POLQ: variants seen among roughly 807,000 people sequenced by gnomAD.
POLQ encodes the protein DNA polymerase theta.
POLQ carries 233 observed loss-of-function variants against 259.2 expected under a neutral mutation model. The observed-to-expected ratio is 0.90, with a 90% CI of 0.81 to 1.00. The LOEUF is 1.00. POLQ is among the 50% of genes least tolerant of loss of function. The pLI, the probability that POLQ is intolerant of heterozygous loss-of-function variation, is 0.00. For missense variants in POLQ, 2,871 were observed against 3,051.6 expected, an observed-to-expected ratio of 0.94 and a Z score of 1.39; for synonymous variants, 1,025 against 1,048.8, an observed-to-expected ratio of 0.98 and a Z score of 0.44.
intron 6 of POLQ, among the ~76,000 whole-genome samples, chr3:121,531,101 C>T (rs1298999382): frequency 6.6e-6 from 1 of 152,106 alleles, no homozygotes; most frequent in East Asian, 1.9e-4. Flanking sequence ...GCAAAAGAAT[C>T]ACTTGAACCC....
In POLQ at chr3:121,489,201, T is replaced by C; in HGVS notation, c.3730A>G (p.Thr1244Ala). ...AAATGACTTGGTTTATTTTCCTCTG[T>C]ATTAAGCTTTATCCTTTCACAATTG... The part of the protein sequence containing the change: ...TINCERIKLN[T>A]EENKPSHFQA... Residue 1244 changes from threonine (T) to alanine (A), a missense_variant, in exon 16 of 30, where the codon ACA becomes GCA. Physicochemically the swap from Thr to Ala is moderately conservative, Grantham distance 58. This residue lies in a region of POLQ where 2,080 missense variants were observed against 2,126.0 expected (regional missense o/e 0.98). Transcript: ENST00000264233. 1 of 1,612,944 alleles carries C rather than the reference T, an allele frequency of 6.2e-7. No individual in the cohort carries two copies. Among genetic ancestry groups the C allele is most frequent in the Non-Finnish European group, 8.5e-7 (1 of 1,179,622 alleles).
intron 25 of POLQ, among the ~76,000 whole-genome samples, chr3:121,450,278 G>C (rs2047663697): frequency 6.6e-6 from 1 of 152,014 alleles, no homozygotes; most frequent in Admixed American, 6.6e-5. Flanking sequence ...ATGATTATCA[G>C]AATTCCAAAA....
At chr3:121,497,761 TA>T (rs1046828745) in intron 13 of POLQ, among the ~76,000 whole-genome samples, 4 of 152,298 alleles carry the variant, frequency 2.6e-5, no homozygotes, top group Admixed American at 2.6e-4. Flanking sequence ...TCAAAGAAGC[TA>T]ACAGCCTGTA....
chr3:121,502,502 C>T (rs1298403012), intron 12 of POLQ, among the ~76,000 whole-genome samples: 3 of 152,126 alleles, frequency 2.0e-5, no homozygotes, highest in African/African-American at 7.2e-5. Context: ...CTACAACCTG[C>T]CAATATGCAT....
chr3:121,467,509 G>A lies in POLQ; in HGVS notation c.6967+10C>T. On this transcript the variant is annotated intron_variant, in intron 24 of 29. Transcript: ENST00000264233. ...GCAATGAGAAGCTTCAAAGCTATCA[G>A]CCACCTTACCTGGGAAAGGCACAAA... 1 of 1,612,668 alleles carries A rather than the reference G, an allele frequency of 6.2e-7. No individual in the cohort carries two copies. Among genetic ancestry groups the A allele is most frequent in the Non-Finnish European group, 8.5e-7 (1 of 1,179,262 alleles).
chr3:121,464,638 C>T (rs2047821023), intron 24 of POLQ, among the ~76,000 whole-genome samples: 1 of 152,068 alleles, frequency 6.6e-6, no homozygotes. Flanking sequence ...TTTCTGAGCA[C>T]TGACATAATG....
chr3:121,516,200 T>G (rs1560104695), intron 9 of POLQ, among the ~76,000 whole-genome samples: 1 of 152,100 alleles, frequency 6.6e-6, no homozygotes, highest in South Asian at 2.1e-4. Context: ...AATTCCATCA[T>G]TTTGCATTGT....
rs768037876 is a variant in POLQ, at chr3:121,488,377, T to C, written c.4554A>G (p.Thr1518=). Residue 1518 remains threonine, a synonymous_variant, in exon 16 of 30, where the codon ACA becomes ACG. Coordinates refer to ENST00000264233, the MANE Select transcript of POLQ (RefSeq NM_199420.4). ...QMKEPLPSEV[T]SNHFSDSLCL... ...ACAGAGAATCACTAAAATGGTTTGA[T>C]GTTACTTCTGAAGGAAGGGGTTCTT... 1 of 1,613,096 alleles carries C rather than the reference T, an allele frequency of 6.2e-7. No individual in the cohort carries two copies. Among genetic ancestry groups the C allele is most frequent in the African/African-American group, 1.3e-5 (1 of 75,050 alleles).
At chr3:121,543,450 C>T (rs2048504704) in intron 2 of POLQ, among the ~76,000 whole-genome samples, 1 of 152,224 alleles carries the variant, frequency 6.6e-6, no homozygotes, top group Non-Finnish European at 1.5e-5. Context: ...CCTAAGTAAT[C>T]TGTGAGGCTG....
intron 26 of POLQ, among the ~76,000 whole-genome samples, chr3:121,445,627 C>T (rs2047626550): frequency 6.6e-6 from 1 of 152,134 alleles, no homozygotes; most frequent in South Asian, 2.1e-4. Flanking sequence ...CTTTGGGAGG[C>T]CAAGATGGGC....
chr3:121,505,056 C>A (rs2048198526), intron 12 of POLQ, among the ~76,000 whole-genome samples: 1 of 152,158 alleles, frequency 6.6e-6, no homozygotes, highest in Non-Finnish European at 1.5e-5. Context: ...ATCATGAAGA[C>A]CGTTTCTTAT....
At chr3:121,460,847 T>C (rs2047786018) in intron 24 of POLQ, among the ~76,000 whole-genome samples, 1 of 152,122 alleles carries the variant, frequency 6.6e-6, no homozygotes, top group Non-Finnish European at 1.5e-5. Flanking sequence ...GTGGATTAGA[T>C]ATGCATGACA....
intron 12 of POLQ, among the ~76,000 whole-genome samples, chr3:121,504,598 A>G (rs2048195241): frequency 6.6e-6 from 1 of 152,224 alleles, no homozygotes. Flanking sequence ...ACAGAACTAC[A>G]GGTCAATATA....
chr3:121,530,371 G>T (rs1396303172), intron 6 of POLQ, among the ~76,000 whole-genome samples: 1 of 152,156 alleles, frequency 6.6e-6, no homozygotes, highest in African/African-American at 2.4e-5. Context: ...AGGTAGGCTA[G>T]GCTAAGCTAT....
intron 24 of POLQ, among the ~76,000 whole-genome samples, chr3:121,462,807 A>G (rs2047802721): frequency 6.6e-6 from 1 of 152,222 alleles, no homozygotes; most frequent in Non-Finnish European, 1.5e-5. Context: ...CTAGCCCTAG[A>G]GTGCAGGCTA....
chr3:121,439,772 A>G (rs1413753356), intron 27 of POLQ, among the ~76,000 whole-genome samples: 1 of 152,274 alleles, frequency 6.6e-6, no homozygotes, highest in Non-Finnish European at 1.5e-5. Flanking sequence ...TATTAAGTAA[A>G]CACATGTTTA....
rs1305889963 is a variant in POLQ at position 121,487,500 on chromosome 3, C to G, written c.5431G>C (p.Asp1811His). 1.2e-6 allele frequency: 2 copies of G among 1,614,072 alleles called. No homozygotes were observed. Among genetic ancestry groups the G allele is most frequent in the Non-Finnish European group, 1.7e-6 (2 of 1,179,996 alleles). ...DTSFSLQLSQ[D>H]GLQLTPASSS... Reference sequence around the variant, plus strand: ...GAGGCTGGAGTTAACTGTAATCCATCCTGTGATAACTGAAGTGAAAAGCTT... The same window carrying G: ...GAGGCTGGAGTTAACTGTAATCCATGCTGTGATAACTGAAGTGAAAAGCTT... Residue 1811 changes from aspartate (D) to histidine (H), a missense_variant, in exon 16 of 30, where the codon GAT (aspartate) becomes CAT (histidine). Transcript: ENST00000264233.
chr3:121,478,960 C>T (rs2047948272), intron 19 of POLQ, among the ~76,000 whole-genome samples: 2 of 151,990 alleles, frequency 1.3e-5, no homozygotes. Flanking sequence ...ATTGTGCATC[C>T]AGAATTAGAG....
At chr3:121,437,052 G>GAACAT (rs1359310273) in intron 27 of POLQ, among the ~76,000 whole-genome samples, 1 of 152,062 alleles carries the variant, frequency 6.6e-6, no homozygotes, top group Admixed American at 6.6e-5. Context: ...TAACATGAGA[G>GAACAT]GTATTCTCTA....
Sources: gnomAD v4.1 joint callset for allele counts (sites outside exome capture counted in the v4.1 genomes callset) on GRCh38, gnomAD v4.1.1 for gene constraint, gnomAD v4.1.1 regional missense constraint, MANE v1.5 for transcripts, NCBI Gene and HGNC (gene_info 2026-07-23, HGNC 2026-07-21) for gene names.